The following ATP6V0A1 variants were observed in gnomAD, a reference collection of about 807,000 sequenced individuals.
ATP6V0A1 encodes ATPase H+ transporting V0 subunit a1.
ATP6V0A1 carries 43 observed loss-of-function variants against 105.4 expected under a neutral mutation model. The ratio of observed to expected loss-of-function variants is 0.41; its 90% CI spans 0.32 to 0.53. ATP6V0A1 has a LOEUF of 0.53. Among genes scored for constraint, ATP6V0A1 ranks in the 20% least tolerant of loss-of-function variants. ATP6V0A1 has a pLI of 0.30. For synonymous variants in ATP6V0A1, 362 were observed against 372.8 expected (o/e 0.97, Z 0.33); for missense variants, 676 against 1,051.1 (o/e 0.64, Z 4.93).
intron 5 of ATP6V0A1, among the ~76,000 whole-genome samples, chr17:42,474,166 C>G (rs983090853): frequency 3.9e-5 from 6 of 151,992 alleles, no homozygotes; most frequent in Non-Finnish European, 8.8e-5. Flanking sequence ...CCATGCCCAG[C>G]TAATTTTTGT....
rs773762543 is a variant in ATP6V0A1, at chr17:42,487,145, C to T, written c.811-10C>T. Reference sequence around the variant, plus strand: ...AAAGGATCCCTCGCTTGTTCCTTTTCTCCCCAAAGGTTCTGAATCAAACGG... The same window carrying T: ...AAAGGATCCCTCGCTTGTTCCTTTTTTCCCCAAAGGTTCTGAATCAAACGG... On this transcript the variant is annotated splice_polypyrimidine_tract_variant and intron_variant, in intron 9 of 21. Transcript: ENST00000343619. The T allele has an allele frequency of 1.9e-6, 3 of 1,614,004 alleles. No individual in the cohort carries two copies. Among genetic ancestry groups the T allele is most frequent in the Non-Finnish European group, 2.5e-6 (3 of 1,179,876 alleles).
intron 7 of ATP6V0A1, among the ~76,000 whole-genome samples, chr17:42,479,468 G>C (rs547599899): frequency 9.8e-5 from 15 of 152,346 alleles, no homozygotes; most frequent in African/African-American, 3.6e-4. Flanking sequence ...TTTAGGTATG[G>C]TGAGTCCTGA....
intron 12 of ATP6V0A1, 156 bp downstream of exon 12, chr17:42,494,629 C>T (rs967022200): frequency 1.1e-6 from 1 of 925,452 alleles, no homozygotes; most frequent in Non-Finnish European, 1.6e-6. Context: ...CATGTGCAAG[C>T]TGGAAGTGGT....
intron 2 of ATP6V0A1, among the ~76,000 whole-genome samples, chr17:42,461,406 T>C (rs1331145072): frequency 6.6e-6 from 1 of 152,220 alleles, no homozygotes; most frequent in Non-Finnish European, 1.5e-5. Context: ...ATATATAGTA[T>C]ATAAATAAGC....
At position 42,459,523 on chromosome 17, in the gene ATP6V0A1, A is replaced by G. The variant is rs116910222; in HGVS notation, c.-48+560A>G. 7.9e-5 allele frequency among the ~76,000 whole-genome samples: 12 copies of G among 152,352 alleles called. No individual in the cohort carries two copies. The East Asian group carries it at 2.1e-3, about 27-fold the overall frequency. ...TAGTTTTCTGTTAGCCTCCATTGCTATAGAGATATTCTTGGGAGACCTATA... is the reference window on the plus strand; with the variant it reads ...TAGTTTTCTGTTAGCCTCCATTGCTGTAGAGATATTCTTGGGAGACCTATA... On this transcript the variant is annotated intron_variant, in intron 1 of 21. Coordinates refer to ENST00000343619, the MANE Select transcript of ATP6V0A1 (RefSeq NM_001130021.3).
At position 42,490,575 on chromosome 17, in the gene ATP6V0A1, C is replaced by T. The variant is rs544168841; in HGVS notation, c.1112C>T (p.Thr371Ile). ...ACCTATAACAAAACCAACAAGTTTA[C>T]CTATGGCTTTCAGAACATAGTAGAT... ...PPTYNKTNKF[T>I]YGFQNIVDAY... The change falls in exon 11 of 22, where the codon ACC becomes ATC. Residue 371 changes from threonine (T) to isoleucine (I), a missense_variant. This residue lies in a region of ATP6V0A1 where 435 missense variants were observed against 642.2 expected (regional missense o/e 0.68). Coordinates refer to ENST00000343619, the MANE Select transcript of ATP6V0A1 (RefSeq NM_001130021.3). The T allele has an allele frequency of 3.7e-6, 6 of 1,613,410 alleles. No individual in the cohort carries two copies. In the East Asian group the frequency reaches 1.3e-4, roughly 36 times the overall value.
chr17:42,485,767 A>G (rs1447279370), intron 9 of ATP6V0A1, among the ~76,000 whole-genome samples: 1 of 152,038 alleles, frequency 6.6e-6, no homozygotes, highest in East Asian at 1.9e-4. Flanking sequence ...ATGTTGCCCA[A>G]ACTGGTCTGG....
chr17:42,466,054 A>G (rs2087017163), intron 2 of ATP6V0A1, among the ~76,000 whole-genome samples: 1 of 152,234 alleles, frequency 6.6e-6, no homozygotes, highest in African/African-American at 2.4e-5. Context: ...CAGAAAAACA[A>G]GAGAAGTTCC....
At chr17:42,474,777 T>A (rs1255205710) in intron 5 of ATP6V0A1, among the ~76,000 whole-genome samples, 5 of 152,220 alleles carry the variant, frequency 3.3e-5, no homozygotes, top group African/African-American at 9.6e-5. Context: ...AGTAATGAGT[T>A]AGCAGAAATG....
intron 5 of ATP6V0A1, among the ~76,000 whole-genome samples, chr17:42,471,690 A>C (rs1381054267): frequency 6.6e-6 from 1 of 151,240 alleles, no homozygotes; most frequent in African/African-American, 2.4e-5. Context: ...GCGGAGATTA[A>C]GCCACTTTAC....
chr17:42,466,943 C>A (rs548450409), intron 3 of ATP6V0A1, among the ~76,000 whole-genome samples: 2 of 151,820 alleles, frequency 1.3e-5, no homozygotes, highest in East Asian at 3.9e-4. Context: ...GTCAGGAGAT[C>A]GAGACCATCC....
chr17:42,506,078 G>A (rs975030167), intron 17 of ATP6V0A1, among the ~76,000 whole-genome samples: 108 of 152,244 alleles, frequency 7.1e-4, no homozygotes, highest in African/African-American at 2.2e-3. Context: ...ATGAGCCACC[G>A]CGCCCAGCCC....
chr17:42,501,113 G>A, intron 16 of ATP6V0A1, 84 bp from the exon 17 acceptor site: 1 of 1,221,212 alleles, frequency 8.2e-7, no homozygotes, highest in South Asian at 1.3e-5. Flanking sequence ...TACTGTTGGG[G>A]GAAATTTGTG....
At chr17:42,498,616 A>G (rs2091400448) in intron 14 of ATP6V0A1, among the ~76,000 whole-genome samples, 2 of 152,008 alleles carry the variant, frequency 1.3e-5, no homozygotes. Context: ...TCACGAGGTC[A>G]TGAATCGAGA....
At chr17:42,476,949 G>GC (rs987370813) in intron 5 of ATP6V0A1, among the ~76,000 whole-genome samples, 12 of 152,288 alleles carry the variant, frequency 7.9e-5, no homozygotes, top group Non-Finnish European at 1.3e-4. Context: ...CAGCTATTGT[G>GC]CTTCTTATCC....
intron 14 of ATP6V0A1, among the ~76,000 whole-genome samples, chr17:42,497,833 C>G (rs999363621): frequency 6.8e-6 from 1 of 147,582 alleles, no homozygotes; most frequent in South Asian, 2.1e-4. Flanking sequence ...GTCAAGAGAT[C>G]GAGACCTTCC....
chr17:42,490,721 C>A, intron 11 of ATP6V0A1, 84 bp downstream of exon 11: 1 of 1,425,334 alleles, frequency 7.0e-7, no homozygotes, highest in Non-Finnish European at 9.5e-7. Flanking sequence ...CAGAGTCTCC[C>A]TCTGTCACCC....
Position 42,460,764 on chromosome 17 carries a change from A to C in ATP6V0A1, c.-47-84A>C, listed in dbSNP as rs567239361. The C allele has an allele frequency of 3.3e-5, 23 of 704,558 alleles. No homozygotes were observed. The African/African-American group carries it at 3.9e-4, about 12-fold the overall frequency. 43.6% of individuals were successfully genotyped at this position (704,558 alleles called of 1,614,324 possible). On this transcript the variant is annotated intron_variant, in intron 1 of 21. Coordinates refer to ENST00000343619, the MANE Select transcript of ATP6V0A1 (RefSeq NM_001130021.3). The stretch of plus-strand genomic sequence containing the variant: ...TGTCCTCATGGGGTGTTAGAAATGT[A>C]AATGCAAGAGCCGTAGTGGGGTGTC...
At chr17:42,466,337 A>T (rs970396638) in intron 2 of ATP6V0A1, 92 bp from the exon 3 acceptor site, 1 of 1,113,568 alleles carries the variant, frequency 9.0e-7, no homozygotes. Context: ...TTGACAGAAA[A>T]TTAGTTTTTC....
Sources: gnomAD v4.1 joint callset for allele counts (sites outside exome capture counted in the v4.1 genomes callset) on GRCh38, gnomAD v4.1.1 for gene constraint, gnomAD v4.1.1 regional missense constraint, MANE v1.5 for transcripts, NCBI Gene and HGNC (gene_info 2026-07-23, HGNC 2026-07-21) for gene names.